The following ITGBL1 variants were observed in gnomAD, a reference collection of about 807,000 sequenced individuals.
The protein encoded by ITGBL1 is integrin subunit beta like 1.
A neutral mutation model predicts 68.5 loss-of-function variants in ITGBL1; 51 were observed. The ratio of observed to expected loss-of-function variants is 0.74; its 90% CI spans 0.59 to 0.94. The LOEUF is 0.94. Among genes scored for constraint, ITGBL1 ranks in the 40% least tolerant of loss-of-function variants. ITGBL1 has a pLI of 0.00. For synonymous variants in ITGBL1, 209 were observed against 227.3 expected (o/e 0.92, Z 0.72); for missense variants, 649 against 647.4 (o/e 1.00, Z -0.03).
chr13:101,528,160 A>C (rs1442625802), intron 2 of ITGBL1, among the ~76,000 whole-genome samples: 1 of 151,378 alleles, frequency 6.6e-6, no homozygotes, highest in Non-Finnish European at 1.5e-5. Flanking sequence ...AGGTTTATTA[A>C]TATTTAATGG....
chr13:101,575,384 G>A (rs766578789), intron 3 of ITGBL1, 40 bp from the exon 4 acceptor site: 39 of 1,579,106 alleles, frequency 2.5e-5, no homozygotes, highest in Non-Finnish European at 3.2e-5. Flanking sequence ...ATAATTTTAT[G>A]TGCATGTAAC....
chr13:101,520,666 C>T (rs1031179146), intron 2 of ITGBL1, among the ~76,000 whole-genome samples: 3 of 152,252 alleles, frequency 2.0e-5, no homozygotes, highest in Admixed American at 2.0e-4. Flanking sequence ...GGATGTGGGA[C>T]CCTGCAAGGC....
chr13:101,705,292 C>CAAAAAAAAAAA (rs66461824), intron 8 of ITGBL1, among the ~76,000 whole-genome samples: 2 of 104,998 alleles, frequency 1.9e-5, no homozygotes, highest in Non-Finnish European at 3.7e-5. Context: ...ATTTAAAAAG[C>CAAAAAAAAAAA]AAAAAAAAAA....
At position 101,714,564 on chromosome 13, in the gene ITGBL1, C is replaced by G. The variant is rs2034628702; in HGVS notation, c.1393+13C>G. On this transcript the variant is annotated intron_variant, in intron 10 of 10. Transcript: ENST00000376180. Reference sequence around the variant, plus strand: ...CTCATTTGTACAGGTGCAGTATTAACCTTTTCTAATTGCTCTATGCCACAG... The same window carrying G: ...CTCATTTGTACAGGTGCAGTATTAAGCTTTTCTAATTGCTCTATGCCACAG... 1 of 1,451,734 alleles carries G rather than the reference C, an allele frequency of 6.9e-7. No homozygotes were observed. The highest frequency in any genetic ancestry group is 1.4e-5 in the African/African-American group (1 of 71,602). The allele number at this position is 1,451,734 out of a possible 1,614,324, so 89.9% of individuals were successfully genotyped here. A position where few individuals can be genotyped will look rare whatever the true frequency, so the allele number is the denominator to read the frequency against.
intron 2 of ITGBL1, among the ~76,000 whole-genome samples, chr13:101,524,214 G>A (rs1312199972): frequency 2.0e-5 from 3 of 150,238 alleles, no homozygotes; most frequent in Non-Finnish European, 4.4e-5. Flanking sequence ...GGGAACAATT[G>A]CTCCTTTGCT....
chr13:101,547,498 G>A (rs1016633801), intron 2 of ITGBL1, among the ~76,000 whole-genome samples: 3 of 151,714 alleles, frequency 2.0e-5, no homozygotes, highest in African/African-American at 7.2e-5. Context: ...TACAAAAAGA[G>A]TGTTGCAAAT....
At chr13:101,718,408 C>T (rs2034804814), downstream of ITGBL1, 3 of 152,134 alleles carry the variant, frequency 2.0e-5, no homozygotes, top group South Asian at 6.2e-4. Context: ...AAAAAACAAG[C>T]AGGGCAAGAA....
At position 101,587,484 on chromosome 13, in the gene ITGBL1, G is replaced by A. The variant is rs757766542; in HGVS notation, c.868+4128G>A. Among the ~76,000 whole-genome samples, 217 of 151,910 alleles carry A rather than the reference G, an allele frequency of 1.4e-3. 1 individual carries two copies. The highest frequency in any genetic ancestry group is 8.8e-4 in the Non-Finnish European group (60 of 67,984). On this transcript the variant is annotated intron_variant, in intron 6 of 10. Transcript: ENST00000376180. ...ATGAATGGGCATCCTGACGTGTCCC[G>A]ACTGTCCTGTTTGTTACACCCAATT... is the stretch of plus-strand genomic sequence containing the variant.
chr13:101,567,924 A>T (rs2050208421), intron 3 of ITGBL1, 79 bp downstream of exon 3: 2 of 1,136,404 alleles, frequency 1.8e-6, no homozygotes, highest in African/African-American at 3.1e-5. Context: ...GGCGTGGAGA[A>T]ATGTTGAATC....
chr13:101,565,677 A>G (rs2050172468), intron 2 of ITGBL1, among the ~76,000 whole-genome samples: 1 of 152,186 alleles, frequency 6.6e-6, no homozygotes, highest in African/African-American at 2.4e-5. Flanking sequence ...AATATTTTTC[A>G]TGATAGGATA....
At chr13:101,702,581 GAA>G (rs68137000) in intron 8 of ITGBL1, among the ~76,000 whole-genome samples, 1 of 148,672 alleles carries the variant, frequency 6.7e-6, no homozygotes, top group Non-Finnish European at 1.5e-5. Context: ...AATTAAATTT[GAA>G]AAAAAAAGGC....
At chr13:101,643,940 C>G (rs1048523188) in intron 7 of ITGBL1, among the ~76,000 whole-genome samples, 4 of 152,162 alleles carry the variant, frequency 2.6e-5, no homozygotes, top group Non-Finnish European at 5.9e-5. Context: ...AACTGGCGGT[C>G]CTCCAGAGTG....
chr13:101,626,889 T>TA lies in ITGBL1; in HGVS notation c.1015+28592dup, dbSNP rs752558882. ...TAGCTAATTAAATGTTTTCCAAATT[T>TA]AATCTTAGTGTTTCTTCAATAGGGA... On this transcript the variant is annotated intron_variant, in intron 7 of 10. Coordinates refer to ENST00000376180, the MANE Select transcript of ITGBL1 (RefSeq NM_004791.3). 6.6e-5 allele frequency among the ~76,000 whole-genome samples: 10 copies of TA among 152,300 alleles called. No homozygotes were observed. The South Asian group carries it at 8.3e-4, about 13-fold the overall frequency.
At chr13:101,604,879 T>TAC (rs1307529776) in intron 7 of ITGBL1, among the ~76,000 whole-genome samples, 242 of 13,296 alleles carry the variant, frequency 0.018, 2 homozygotes, top group Non-Finnish European at 0.032. Context: ...TATATATATA[T>TAC]ATATATATAC....
chr13:101,591,345 T>G (rs892545077), intron 6 of ITGBL1, among the ~76,000 whole-genome samples: 21 of 152,212 alleles, frequency 1.4e-4, no homozygotes, highest in Admixed American at 1.4e-3. Flanking sequence ...TGTATGTTTA[T>G]TAATAATAAC....
At chr13:101,468,085 C>T (rs2048408223) in intron 2 of ITGBL1, among the ~76,000 whole-genome samples, 1 of 152,136 alleles carries the variant, frequency 6.6e-6, no homozygotes, top group Admixed American at 6.5e-5. Flanking sequence ...AATAGTTAGA[C>T]AAAACTAGTT....
intron 7 of ITGBL1, among the ~76,000 whole-genome samples, chr13:101,680,146 T>C (rs2033607277): frequency 6.6e-6 from 1 of 152,202 alleles, no homozygotes; most frequent in Admixed American, 6.5e-5. Context: ...AAGATTACTG[T>C]ATTCGCACAA....
chr13:101,618,303 A>T (rs1207484334), intron 7 of ITGBL1, among the ~76,000 whole-genome samples: 1 of 152,178 alleles, frequency 6.6e-6, no homozygotes, highest in Non-Finnish European at 1.5e-5. Flanking sequence ...CTGGTACCAG[A>T]TCACACTTTG....
intron 7 of ITGBL1, among the ~76,000 whole-genome samples, chr13:101,621,101 G>T (rs2031563208): frequency 6.6e-6 from 1 of 152,134 alleles, no homozygotes; most frequent in East Asian, 1.9e-4. Context: ...TCTCCCAAAG[G>T]ACTGTTGACA....
Sources: allele counts gnomAD v4.1 joint callset (sites outside exome capture counted in the v4.1 genomes callset), GRCh38; gene constraint gnomAD v4.1.1; transcripts MANE v1.5; gene names NCBI Gene and HGNC (gene_info 2026-07-23, HGNC 2026-07-21).